The following SCAPER variants were observed in gnomAD, a reference collection of about 807,000 sequenced individuals.
SCAPER encodes S phase cyclin A-associated protein in the endoplasmic reticulum.
SCAPER carries 98 observed loss-of-function variants against 182.2 expected under a neutral mutation model. The ratio of observed to expected loss-of-function variants is 0.54; its 90% CI spans 0.46 to 0.64. The LOEUF (loss-of-function observed/expected upper bound fraction) is 0.64. SCAPER is among the 30% of genes least tolerant of loss of function. The pLI is 0.00. For missense variants in SCAPER, 1,432 were observed against 1,690.0 expected (o/e 0.85, Z 2.68); for synonymous variants, 605 against 564.6 (o/e 1.07, Z -1.01).
intron 14 of SCAPER, among the ~76,000 whole-genome samples, chr15:76,759,964 C>T (rs2062678029): frequency 6.6e-6 from 1 of 152,142 alleles, no homozygotes; most frequent in South Asian, 2.1e-4. Context: ...CAGAGTGATG[C>T]TGGCCTCATA....
intron 22 of SCAPER, among the ~76,000 whole-genome samples, chr15:76,579,731 C>T (rs898999060): frequency 3.3e-5 from 5 of 151,930 alleles, no homozygotes; most frequent in African/African-American, 1.2e-4. Context: ...ATGTAATGGC[C>T]GAATGGATTA....
chr15:76,780,144 T>G (rs750795201), intron 8 of SCAPER, among the ~76,000 whole-genome samples: 5 of 152,226 alleles, frequency 3.3e-5, no homozygotes, highest in African/African-American at 1.2e-4. Flanking sequence ...CGTGACAGAC[T>G]GTACCTGGAA....
intron 21 of SCAPER, among the ~76,000 whole-genome samples, chr15:76,633,906 T>C (rs1039895065): frequency 1.3e-5 from 2 of 152,196 alleles, no homozygotes; most frequent in African/African-American, 4.8e-5. Flanking sequence ...TTTTAGCTTA[T>C]AGGGAGTTGG....
At position 76,804,648 on chromosome 15, in the gene SCAPER, AC is replaced by A. The variant is rs772888305; in HGVS notation, c.394-16del. 6.5e-7 allele frequency: 1 copy of A among 1,537,662 alleles called. No homozygotes were observed. Among genetic ancestry groups the A allele is most frequent in the East Asian group, 2.3e-5 (1 of 44,088 alleles). On this transcript the variant is annotated splice_polypyrimidine_tract_variant and intron_variant, in intron 5 of 31. Coordinates refer to ENST00000563290, the MANE Select transcript of SCAPER (RefSeq NM_020843.4). ...ATTAGCACCTCCTAAAAGAAACAAA[AC>A]AAAAAAAAATTAAATTCCAGTCTGA...
At position 76,354,010 on chromosome 15, in the gene SCAPER, T is replaced by G. The variant is rs1302376282; in HGVS notation, c.3986A>C (p.His1329Pro). The change falls in exon 30 of 32, where the codon CAT (histidine) becomes CCT (proline). Residue 1329 changes from histidine (H) to proline (P), a missense_variant. Coordinates refer to ENST00000563290, the MANE Select transcript of SCAPER (RefSeq NM_020843.4). This position sits in a 1 kb window ranked among gnomAD's most constrained non-coding sequence, Gnocchi z 4.4. ...TTGCTCCAGAATGATCTTGTTCTGA[T>G]GGTTGTTGTAACAAGCAGCGATAAG... ...PSLIAACYNNHQNKIILEQEM... is the reference protein window; with the variant it reads ...PSLIAACYNNPQNKIILEQEM... 1.2e-6 allele frequency: 2 copies of G among 1,606,306 alleles called. No individual in the cohort carries two copies.
intron 29 of SCAPER, among the ~76,000 whole-genome samples, chr15:76,356,044 G>A (rs2040940362): frequency 6.6e-6 from 1 of 152,190 alleles, no homozygotes; most frequent in African/African-American, 2.4e-5. Flanking sequence ...TACGACTGAT[G>A]AGAACCCCCA....
intron 23 of SCAPER, among the ~76,000 whole-genome samples, chr15:76,513,366 G>C (rs2042190694): frequency 6.6e-6 from 1 of 152,098 alleles, no homozygotes; most frequent in Non-Finnish European, 1.5e-5. Flanking sequence ...TATACATAAA[G>C]ATGGATGAAA....
chr15:76,771,216 G>A (rs2063451859), intron 10 of SCAPER, among the ~76,000 whole-genome samples: 1 of 152,058 alleles, frequency 6.6e-6, no homozygotes, highest in African/African-American at 2.4e-5. Context: ...AAAAGGAAGA[G>A]ATGGGTAGAA....
intron 20 of SCAPER, among the ~76,000 whole-genome samples, chr15:76,667,625 C>CCAAAAAAAAAAAA (rs2056687759): frequency 3.6e-5 from 1 of 27,454 alleles, no homozygotes; most frequent in Non-Finnish European, 6.5e-5. Flanking sequence ...GACTCAGTCT[C>CCAAAAAAAAAAAA]AAAAAAAAAA....
chr15:76,367,190 C>T (rs2041870607), intron 29 of SCAPER, among the ~76,000 whole-genome samples: 1 of 152,226 alleles, frequency 6.6e-6, no homozygotes, highest in African/African-American at 2.4e-5. Context: ...CAGTGACTTA[C>T]CCAGTGTCAA....
intron 1 of SCAPER, among the ~76,000 whole-genome samples, chr15:76,902,532 GAATTT>G (rs1292184509): frequency 6.6e-6 from 1 of 152,126 alleles, no homozygotes; most frequent in Non-Finnish European, 1.5e-5. Flanking sequence ...ACTGCAAACA[GAATTT>G]TATTAATGAT....
At chr15:76,395,523 T>C (rs2043989360) in intron 27 of SCAPER, among the ~76,000 whole-genome samples, 1 of 152,208 alleles carries the variant, frequency 6.6e-6, no homozygotes, top group Non-Finnish European at 1.5e-5. Context: ...ATTGAATGTC[T>C]TTTAGATAAA....
intron 21 of SCAPER, among the ~76,000 whole-genome samples, chr15:76,630,378 T>C (rs776637902): frequency 1.6e-4 from 25 of 152,290 alleles, no homozygotes; most frequent in African/African-American, 6.0e-4. Flanking sequence ...CTAGTTCTTT[T>C]AGTTGTAATG....
intron 1 of SCAPER, among the ~76,000 whole-genome samples, chr15:76,887,107 A>C (rs925389452): frequency 6.6e-6 from 1 of 152,212 alleles, no homozygotes; most frequent in African/African-American, 2.4e-5. Flanking sequence ...CCATGACACA[A>C]GTTTACCAAC....
intron 20 of SCAPER, among the ~76,000 whole-genome samples, chr15:76,669,178 C>T (rs1363253479): frequency 6.6e-6 from 1 of 151,696 alleles, no homozygotes; most frequent in Non-Finnish European, 1.5e-5. Flanking sequence ...GTTGTGCTCA[C>T]TTTCCAAATT....
At chr15:76,398,760 A>T (rs2044253889) in intron 27 of SCAPER, among the ~76,000 whole-genome samples, 1 of 152,222 alleles carries the variant, frequency 6.6e-6, no homozygotes, top group Non-Finnish European at 1.5e-5. Context: ...ATATTCTTGA[A>T]TTCACAAGTC....
At chr15:76,504,181 C>T (rs1228518030) in intron 24 of SCAPER, among the ~76,000 whole-genome samples, 1 of 152,088 alleles carries the variant, frequency 6.6e-6, no homozygotes, top group African/African-American at 2.4e-5. Flanking sequence ...AGCCATTGCG[C>T]CCTGCCTAAA....
intron 25 of SCAPER, among the ~76,000 whole-genome samples, chr15:76,466,766 T>TG (rs1233692015): frequency 3.4e-5 from 5 of 147,904 alleles, no homozygotes; most frequent in South Asian, 2.2e-4. Context: ...CTGAAAACTT[T>TG]GGGGGGGATA....
intron 15 of SCAPER, among the ~76,000 whole-genome samples, chr15:76,750,252 G>T (rs1440624411): frequency 6.6e-6 from 1 of 151,468 alleles, no homozygotes; most frequent in Non-Finnish European, 1.5e-5. Flanking sequence ...AAAAAATTTA[G>T]AAAATATGAA....
Sources: allele counts gnomAD v4.1 joint callset (sites outside exome capture counted in the v4.1 genomes callset), GRCh38; gene constraint gnomAD v4.1.1; non-coding constraint Gnocchi (gnomAD v3.1); transcripts MANE v1.5; gene names NCBI Gene and HGNC (gene_info 2026-07-23, HGNC 2026-07-21).